FNBP1L: variants seen among roughly 807,000 people sequenced by gnomAD.
FNBP1L encodes formin binding protein 1 like.
In FNBP1L, 36 loss-of-function variants were observed where a neutral mutation model predicts 91.2. The ratio of observed to expected loss-of-function variants is 0.39; its 90% confidence interval spans 0.30 to 0.52. The LOEUF is 0.52. FNBP1L is among the 20% of genes least tolerant of loss of function. The pLI is 0.66. For synonymous variants in FNBP1L, 242 were observed against 237.0 expected, an observed-to-expected ratio of 1.02 and a Z score of -0.19; for missense variants, 571 against 732.1, an observed-to-expected ratio of 0.78 and a Z score of 2.54.
chr1:93,487,432 A>C (rs1039164598), intron 1 of FNBP1L, among the ~76,000 whole-genome samples: 1 of 152,200 alleles, frequency 6.6e-6, no homozygotes, highest in Non-Finnish European at 1.5e-5. Context: ...GAAATGTTAC[A>C]AAGTTAGGCT....
chr1:93,517,192 C>T (rs936105271), intron 2 of FNBP1L, among the ~76,000 whole-genome samples: 8 of 151,934 alleles, frequency 5.3e-5, no homozygotes, highest in Admixed American at 1.3e-4. Flanking sequence ...TACAGGAGTG[C>T]GCCACCATGC....
At chr1:93,520,159 A>G (rs192717621) in intron 2 of FNBP1L, among the ~76,000 whole-genome samples, 73 of 152,294 alleles carry the variant, frequency 4.8e-4, no homozygotes, top group Middle Eastern at 3.4e-3. Context: ...TCAATAGAGT[A>G]TAAGTCTCCT....
intron 1 of FNBP1L, among the ~76,000 whole-genome samples, chr1:93,498,926 C>G (rs1445686506): frequency 6.6e-6 from 1 of 152,084 alleles, no homozygotes; most frequent in Non-Finnish European, 1.5e-5. Flanking sequence ...AATGGCAGAT[C>G]CCAGAATTTG....
At chr1:93,544,243 C>A in intron 12 of FNBP1L, 27 bp downstream of exon 12, 1 of 1,526,082 alleles carries the variant, frequency 6.6e-7, no homozygotes, top group South Asian at 1.2e-5. Flanking sequence ...TTTTCTCTAT[C>A]ATTATTATTT....
At chr1:93,458,927 A>G (rs1243384321) in intron 1 of FNBP1L, among the ~76,000 whole-genome samples, 1 of 152,234 alleles carries the variant, frequency 6.6e-6, no homozygotes, top group East Asian at 1.9e-4. Context: ...GTATAGACCC[A>G]TATAGACTTT....
At position 93,452,519 on chromosome 1, in the gene FNBP1L, C is replaced by A. The variant is rs1668531132; in HGVS notation, c.24+4214C>A. Among the ~76,000 whole-genome samples the A allele has an allele frequency of 2.0e-5, 3 of 152,182 alleles. 1 individual carries two copies. In the South Asian group the frequency reaches 6.2e-4, roughly 32 times the overall value. On this transcript the variant is annotated intron_variant, in intron 1 of 16. Coordinates refer to ENST00000271234, the MANE Select transcript of FNBP1L (RefSeq NM_001164473.3). Reference sequence around the variant, plus strand: ...TGACTGCCTAAATAATTGGTGAAATCTTAGGCCACATTAATAGATTTATCT... The same window carrying A: ...TGACTGCCTAAATAATTGGTGAAATATTAGGCCACATTAATAGATTTATCT...
intron 15 of FNBP1L, among the ~76,000 whole-genome samples, chr1:93,550,569 G>T (rs1373974689): frequency 6.6e-6 from 1 of 151,954 alleles, no homozygotes; most frequent in Non-Finnish European, 1.5e-5. Context: ...TTGCTATCTG[G>T]TTACTGTTTT....
chr1:93,525,284 G>A (rs115782362), intron 5 of FNBP1L, among the ~76,000 whole-genome samples: 2,241 of 152,128 alleles, frequency 0.015, 30 homozygotes, highest in Middle Eastern at 0.034. Context: ...AAAATCTCAT[G>A]TATATACTTC....
chr1:93,512,158 A>T (rs1277490009), intron 2 of FNBP1L, among the ~76,000 whole-genome samples: 1 of 152,126 alleles, frequency 6.6e-6, no homozygotes, highest in African/African-American at 2.4e-5. Flanking sequence ...ACCAACAAAG[A>T]TCAAAAGAGA....
chr1:93,494,791 C>G (rs1313185032), intron 1 of FNBP1L, among the ~76,000 whole-genome samples: 2 of 152,160 alleles, frequency 1.3e-5, no homozygotes, highest in African/African-American at 4.8e-5. Context: ...ACAGTTAGTT[C>G]CACATGGCTG....
rs891079143 is a variant in FNBP1L, at chr1:93,546,755, G to A, written c.1275-87G>A. 2.9e-5 allele frequency: 41 copies of A among 1,411,076 alleles called. 2 individuals are homozygous for A. The Middle Eastern group carries it at 7.5e-4, about 26-fold the overall frequency. The allele number at this position is 1,411,076 out of a possible 1,614,324, so 87.4% of individuals were successfully genotyped here. A position where few individuals can be genotyped will look rare whatever the true frequency, so the allele number is the denominator to read the frequency against. Reference sequence around the variant, plus strand: ...GTGACTCTACTTAAGATTAAGCTGCGTACGAGTCCCCAGAGTCCAATAAAA... The same window carrying A: ...GTGACTCTACTTAAGATTAAGCTGCATACGAGTCCCCAGAGTCCAATAAAA... On this transcript the variant is annotated intron_variant, in intron 12 of 16. Transcript: ENST00000271234.
chr1:93,546,477 T>G (rs145337937), intron 12 of FNBP1L, among the ~76,000 whole-genome samples: 1 of 152,228 alleles, frequency 6.6e-6, no homozygotes, highest in Admixed American at 6.5e-5. Context: ...TGTGGAATAG[T>G]GTGGCTGAGT....
At chr1:93,448,751 C>T (rs1668368705) in intron 1 of FNBP1L, among the ~76,000 whole-genome samples, 1 of 152,134 alleles carries the variant, frequency 6.6e-6, no homozygotes, top group African/African-American at 2.4e-5. Flanking sequence ...GGGGACCGGC[C>T]GCGATTCCTC....
chr1:93,548,561 T>G (rs1350894081), intron 14 of FNBP1L, among the ~76,000 whole-genome samples: 1 of 152,162 alleles, frequency 6.6e-6, no homozygotes, highest in East Asian at 1.9e-4. Context: ...CCATGCTGGC[T>G]TAAACTAAAA....
intron 2 of FNBP1L, among the ~76,000 whole-genome samples, chr1:93,502,104 A>C (rs1570809296): frequency 6.6e-6 from 1 of 152,206 alleles, no homozygotes; most frequent in East Asian, 1.9e-4. Context: ...GTAAGAACTG[A>C]ATGTACAGTA....
chr1:93,485,575 C>A (rs1465305761), intron 1 of FNBP1L, among the ~76,000 whole-genome samples: 1 of 152,184 alleles, frequency 6.6e-6, no homozygotes, highest in Admixed American at 6.5e-5. Flanking sequence ...TGATAACTCT[C>A]CTTTCCACTA....
chr1:93,535,553 G>A (rs1671820090), intron 9 of FNBP1L, among the ~76,000 whole-genome samples: 1 of 152,030 alleles, frequency 6.6e-6, no homozygotes, highest in South Asian at 2.1e-4. Flanking sequence ...AAGGAGAATA[G>A]AGAAATACTT....
intron 1 of FNBP1L, among the ~76,000 whole-genome samples, chr1:93,474,542 G>A (rs541396663): frequency 6.6e-6 from 1 of 152,300 alleles, no homozygotes; most frequent in South Asian, 2.1e-4. Flanking sequence ...CCTAGCCTGA[G>A]AAGGCTTCTC....
chr1:93,515,780 G>A (rs1671078581), intron 2 of FNBP1L, among the ~76,000 whole-genome samples: 1 of 125,402 alleles, frequency 8.0e-6, no homozygotes, highest in Non-Finnish European at 1.7e-5. Flanking sequence ...TGGGGGGAGG[G>A]GGAGGTATAG....
Sources: gnomAD v4.1 joint callset for allele counts (sites outside exome capture counted in the v4.1 genomes callset) on GRCh38, gnomAD v4.1.1 for gene constraint, MANE v1.5 for transcripts, NCBI Gene and HGNC (gene_info 2026-07-23, HGNC 2026-07-21) for gene names.